The following PFKFB3 variants were observed in gnomAD, a reference collection of about 807,000 sequenced individuals.
PFKFB3 encodes the protein 6-phosphofructo-2-kinase/fructose-2,6-bisphosphatase 3.
Under a neutral mutation model 68.0 loss-of-function variants are expected in PFKFB3, and 33 were observed. The observed-to-expected ratio is 0.49, with a 90% CI of 0.37 to 0.65. The LOEUF (loss-of-function observed/expected upper bound fraction) is 0.65, where lower values mean the gene tolerates loss of function less well. Among genes scored for constraint, PFKFB3 ranks in the 30% least tolerant of loss-of-function variants. PFKFB3 has a pLI of 0.00. For synonymous variants in PFKFB3, 315 were observed against 288.2 expected, an observed-to-expected ratio of 1.09 and a Z score of -0.94; for missense variants, 586 against 712.2, an observed-to-expected ratio of 0.82 and a Z score of 2.02.
chr10:6,280,469 C>T, the PFKFB3 span, among the ~76,000 whole-genome samples: 3 of 152,218 alleles, frequency 2.0e-5, no homozygotes, highest in African/African-American at 4.8e-5. Context: ...TCTCAGTGCT[C>T]ACCAATATCC....
intron 9 of PFKFB3, 30 bp from the exon 10 acceptor site, chr10:6,221,611 T>C (rs934160812): frequency 6.2e-7 from 1 of 1,609,748 alleles, no homozygotes; most frequent in African/African-American, 1.3e-5. Context: ...CTGTGGTTTG[T>C]TCCCCTGAGT....
At chr10:6,257,852 C>G (rs774656609), downstream of PFKFB3, among the ~76,000 whole-genome samples, 16 of 152,228 alleles carry the variant, frequency 1.1e-4, 2 homozygotes, top group Admixed American at 6.5e-4. Context: ...GATCCCCATG[C>G]GGGACTCTGG....
chr10:6,305,672 T>C, the PFKFB3 span, among the ~76,000 whole-genome samples: 1 of 152,214 alleles, frequency 6.6e-6, no homozygotes, highest in Non-Finnish European at 1.5e-5. Flanking sequence ...TTTCTTTCTT[T>C]CGTGTTTAAA....
At chr10:6,175,985 G>A (rs1210058776) in intron 1 of PFKFB3, among the ~76,000 whole-genome samples, 1 of 152,240 alleles carries the variant, frequency 6.6e-6, no homozygotes. Context: ...CCGCCTTGGC[G>A]TAGACGCATG....
intron 14 of PFKFB3, chr10:6,254,065 A>G: frequency 2.6e-6 from 1 of 388,464 alleles, no homozygotes. Flanking sequence ...TGAGGAATGG[A>G]GGGTCTTTTT....
In PFKFB3 at chr10:6,160,872, A is replaced by G. The variant is rs113840248; in HGVS notation, c.16+15859A>G. Among the ~76,000 whole-genome samples the G allele has an allele frequency of 3.1e-3, 470 of 152,254 alleles. 3 individuals carry two copies. The highest frequency in any genetic ancestry group is 0.011 in the African/African-American group (449 of 41,558). ...AATGAGAAGTTAAAAGAGAAATGAC[A>G]GGTCACTTCTCCAGTCATCTCCCAA... On this transcript the variant is annotated intron_variant, in intron 1 of 14. Coordinates refer to the PFKFB3 transcript ENST00000379789.
chr10:6,228,088 G>A lies in PFKFB3; in HGVS notation c.1515+1723G>A. 8.2e-7 allele frequency: 1 copy of A among 1,213,910 alleles called. No homozygotes were observed. The allele number at this position is 1,213,910 out of a possible 1,614,324, so 75.2% of individuals were successfully genotyped here. A position where few individuals can be genotyped will look rare whatever the true frequency, so the allele number is the denominator to read the frequency against. ...TCCTTCAGGGTGGCCAGGTTCTTAG[G>A]GACGTCTGAAGCTGCTGGCTGGGCC... On this transcript the variant is annotated intron_variant, in intron 14 of 14. Transcript: ENST00000379775. The surrounding 1 kb of genome is among the most constrained non-coding windows in gnomAD (Gnocchi z 4.5).
At chr10:6,168,065 G>A (rs879789808) in intron 1 of PFKFB3, among the ~76,000 whole-genome samples, 4 of 152,178 alleles carry the variant, frequency 2.6e-5, no homozygotes, top group Non-Finnish European at 5.9e-5. Flanking sequence ...TAACTCCAGA[G>A]ATGCTATCTA....
rs1279734424 is a variant in PFKFB3, at chr10:6,233,788, A to C, written c.*846A>C. 6.5e-6 allele frequency: 1 copy of C among 152,856 alleles called. No individual in the cohort carries two copies. The allele number at this position is 152,856 out of a possible 1,614,324, so 9.5% of individuals were successfully genotyped here. ...GGCAGAAGTGTGACCTGAGAGTCCCACCTTCTCTTCAGGAACGTAGATGTT... is the reference window on the plus strand; with the variant it reads ...GGCAGAAGTGTGACCTGAGAGTCCCCCCTTCTCTTCAGGAACGTAGATGTT... On this transcript the variant is annotated 3_prime_UTR_variant, in exon 15 of 15. Coordinates refer to ENST00000379775, the MANE Select transcript of PFKFB3 (RefSeq NM_004566.4).
the PFKFB3 span, among the ~76,000 whole-genome samples, chr10:6,280,342 A>G: frequency 6.6e-6 from 1 of 152,222 alleles, no homozygotes; most frequent in Non-Finnish European, 1.5e-5. Flanking sequence ...ACGATTGGGC[A>G]TGGGCCATGT....
the PFKFB3 span, among the ~76,000 whole-genome samples, chr10:6,325,844 G>A: frequency 2.0e-5 from 3 of 152,268 alleles, no homozygotes; most frequent in South Asian, 2.1e-4. Flanking sequence ...AGATACACAC[G>A]TACATCAATG....
chr10:6,180,929 A>G (rs755279819), intron 1 of PFKFB3, among the ~76,000 whole-genome samples: 2 of 152,246 alleles, frequency 1.3e-5, no homozygotes, highest in Non-Finnish European at 2.9e-5. Flanking sequence ...CACGTGACAG[A>G]GGCTGATACC....
chr10:6,237,625 G>C (rs896005634), downstream of PFKFB3, among the ~76,000 whole-genome samples: 1 of 152,232 alleles, frequency 6.6e-6, no homozygotes, highest in African/African-American at 2.4e-5. Flanking sequence ...CTGGAGTGCA[G>C]AGGTGTGACA....
At position 6,232,961 on chromosome 10, in the gene PFKFB3, ATTCCAT is replaced by A. The variant is rs1458542207; in HGVS notation, c.*29_*34del. The stretch of plus-strand genomic sequence containing the variant: ...ACACTGAGGCAGACGTGTCGGTTCC[ATTCCAT>A]TTCCATTTCTGCAGCTTAGCTTGTG... On this transcript the variant is annotated 3_prime_UTR_variant, in exon 15 of 15. Transcript: ENST00000379775. 1.2e-6 allele frequency: 2 copies of A among 1,601,830 alleles called. No individual in the cohort carries two copies. Among genetic ancestry groups the A allele is most frequent in the Admixed American group, 1.7e-5 (1 of 59,970 alleles).
At chr10:6,189,450 C>T (rs1842967369) in intron 1 of PFKFB3, among the ~76,000 whole-genome samples, 1 of 151,084 alleles carries the variant, frequency 6.6e-6, no homozygotes, top group Non-Finnish European at 1.5e-5. Flanking sequence ...GTGTGTTTGT[C>T]AGGGATGCTC....
intron 1 of PFKFB3, among the ~76,000 whole-genome samples, chr10:6,190,228 GC>G (rs758076209): frequency 1.3e-4 from 20 of 152,286 alleles, no homozygotes; most frequent in Admixed American, 2.6e-4. Context: ...ACAGGCGTGA[GC>G]CACCACGCCC....
the PFKFB3 span, among the ~76,000 whole-genome samples, chr10:6,270,170 A>G: frequency 6.6e-6 from 1 of 152,162 alleles, no homozygotes; most frequent in Non-Finnish European, 1.5e-5. Flanking sequence ...CAACAACGAC[A>G]ACAACAAAAG....
chr10:6,232,859 A>C (rs372319781), intron 14 of PFKFB3, 36 bp from the exon 15 acceptor site: 2 of 1,579,104 alleles, frequency 1.3e-6, no homozygotes. Context: ...TACAAATCCT[A>C]ACTCCCTCCC....
chr10:6,259,427 C>T (rs1471971353), downstream of PFKFB3, among the ~76,000 whole-genome samples: 1 of 151,912 alleles, frequency 6.6e-6, no homozygotes, highest in African/African-American at 2.4e-5. Flanking sequence ...TCTACTCATC[C>T]ATCCATCCAC....
Sources: allele counts gnomAD v4.1 joint callset (sites outside exome capture counted in the v4.1 genomes callset), GRCh38; gene constraint gnomAD v4.1.1; non-coding constraint Gnocchi (gnomAD v3.1); transcripts MANE v1.5; gene names NCBI Gene and HGNC (gene_info 2026-07-23, HGNC 2026-07-21).